CDH1: variants seen among roughly 807,000 people sequenced by gnomAD.
CDH1 encodes cadherin-1.
Under a neutral mutation model 84.5 loss-of-function variants are expected in CDH1, and 35 were observed. The observed-to-expected ratio is 0.41, with a 90% CI of 0.32 to 0.55. The LOEUF (loss-of-function observed/expected upper bound fraction) is 0.55. Among genes scored for constraint, CDH1 ranks in the 20% least tolerant of loss-of-function variants. The probability of loss-of-function intolerance (pLI) is 0.19; values close to 1 mark genes in which losing one functional copy is unlikely to be tolerated. For missense variants in CDH1, 994 were observed against 1,126.6 expected (o/e 0.88, Z 1.68); for synonymous variants, 417 against 439.0 (o/e 0.95, Z 0.63).
chr16:68,801,937 G>A (rs770588696), intron 3 of CDH1, 44 bp downstream of exon 3: 44 of 1,484,274 alleles, frequency 3.0e-5, no homozygotes, highest in Middle Eastern at 4.1e-4. Flanking sequence ...GTTTTAGTGC[G>A]CTGTCTAATC....
intron 2 of CDH1, chr16:68,763,666 CG>C (rs755201247): frequency 6.6e-6 from 1 of 152,164 alleles, no homozygotes; most frequent in Non-Finnish European, 1.5e-5. Context: ...AAGTGGTTAC[CG>C]TTGTCAGCTC....
Position 68,815,614 on chromosome 16 carries a change from A to G in CDH1, c.1420A>G (p.Thr474Ala), listed in dbSNP as rs773858736. ...TCTCACCACCTCCACAGCCACCGTC[A>G]CCGTGGATGTGCTGGATGTGAATGA... is the stretch of plus-strand genomic sequence containing the variant. ...VSLTTSTATV[T>A]VDVLDVNEAP... Residue 474 changes from threonine (T) to alanine (A), a missense_variant, in exon 10 of 16, where the codon ACC becomes GCC. By Grantham distance (58) the Thr-to-Ala change is moderately conservative. Around this residue, in one of 3 missense-constraint regions of CDH1, gnomAD observed 769 missense variants for 881.8 expected, o/e 0.87. Coordinates refer to ENST00000261769, the MANE Select transcript of CDH1 (RefSeq NM_004360.5). The G allele has an allele frequency of 5.6e-6, 9 of 1,614,202 alleles. No individual in the cohort carries two copies. Among genetic ancestry groups the G allele is most frequent in the Non-Finnish European group, 7.6e-6 (9 of 1,180,038 alleles).
chr16:68,806,617 C>A (rs551546031), intron 3 of CDH1, among the ~76,000 whole-genome samples: 11 of 152,166 alleles, frequency 7.2e-5, no homozygotes, highest in Non-Finnish European at 1.2e-4. Flanking sequence ...TTTAAATGTG[C>A]AATACCAGCA....
intron 2 of CDH1, chr16:68,765,103 T>C (rs932563160): frequency 6.6e-6 from 1 of 152,238 alleles, no homozygotes; most frequent in African/African-American, 2.4e-5. Flanking sequence ...AGCATGGAGA[T>C]AAGGCAGCTG....
intron 13 of CDH1, among the ~76,000 whole-genome samples, chr16:68,824,363 G>A (rs985382044): frequency 6.6e-6 from 1 of 152,166 alleles, no homozygotes; most frequent in African/African-American, 2.4e-5. Flanking sequence ...CATAGGCAGA[G>A]TAGCAAGACC....
chr16:68,773,968 G>A (rs1443617108), intron 2 of CDH1, among the ~76,000 whole-genome samples: 1 of 152,202 alleles, frequency 6.6e-6, no homozygotes, highest in Non-Finnish European at 1.5e-5. Context: ...CTAGGCTAGA[G>A]TGCAGTGGTG....
chr16:68,828,065 T>A (rs1961366758), intron 13 of CDH1, 109 bp from the exon 14 acceptor site: 22 of 1,214,046 alleles, frequency 1.8e-5, no homozygotes, highest in Non-Finnish European at 2.7e-5. Context: ...AGCTAGTGGC[T>A]GTCTAACTGC....
At chr16:68,798,627 G>C (rs1960422166) in intron 2 of CDH1, among the ~76,000 whole-genome samples, 1 of 152,110 alleles carries the variant, frequency 6.6e-6, no homozygotes, top group African/African-American at 2.4e-5. Context: ...ATTTTTTCAG[G>C]CCGCCACCCT....
At position 68,753,472 on chromosome 16, in the gene CDH1, G is replaced by C. The variant is rs149425156; in HGVS notation, c.163+15061G>C. On this transcript the variant is annotated intron_variant, in intron 2 of 15. Transcript: ENST00000261769. Reference sequence around the variant, plus strand: ...AGCGATTCTCCTGCCTCAGCCTCCTGAGTAGCTAATTTTTAGCCACCATGC... The same window carrying C: ...AGCGATTCTCCTGCCTCAGCCTCCTCAGTAGCTAATTTTTAGCCACCATGC... Among the ~76,000 whole-genome samples, 1,381 of 151,770 alleles carry C rather than the reference G, an allele frequency of 9.1e-3. 22 individuals carry two copies. Among genetic ancestry groups the C allele is most frequent in the African/African-American group, 0.032 (1,307 of 41,456 alleles).
chr16:68,742,145 G>T (rs572022771), intron 2 of CDH1, among the ~76,000 whole-genome samples: 3 of 152,300 alleles, frequency 2.0e-5, no homozygotes, highest in South Asian at 4.1e-4. Context: ...CCCAGTGATT[G>T]TTTTCTTCCT....
intron 2 of CDH1, among the ~76,000 whole-genome samples, chr16:68,759,682 G>A (rs143054234): frequency 6.3e-4 from 96 of 152,148 alleles, no homozygotes; most frequent in African/African-American, 2.2e-3. Context: ...ATGGAGACAA[G>A]GTTTCACCAT....
intron 2 of CDH1, 120 bp from the exon 3 acceptor site, chr16:68,801,550 G>A (rs185103298): frequency 7.7e-5 from 62 of 804,882 alleles, no homozygotes; most frequent in Non-Finnish European, 1.3e-4. Context: ...ACCAGATTAT[G>A]GTTTGTTTTG....
At chr16:68,778,985 A>G (rs1462507462) in intron 2 of CDH1, among the ~76,000 whole-genome samples, 1 of 152,156 alleles carries the variant, frequency 6.6e-6, no homozygotes, top group Non-Finnish European at 1.5e-5. Context: ...ATTTAAGCAA[A>G]TTAAGGCCTT....
chr16:68,754,310 C>T (rs1291264861), intron 2 of CDH1, among the ~76,000 whole-genome samples: 2 of 151,792 alleles, frequency 1.3e-5, no homozygotes, highest in Non-Finnish European at 2.9e-5. Flanking sequence ...ACCTGGGAGG[C>T]TAAGGTGGGA....
chr16:68,794,225 G>A (rs534841203), intron 2 of CDH1, among the ~76,000 whole-genome samples: 1 of 152,022 alleles, frequency 6.6e-6, no homozygotes, highest in African/African-American at 2.4e-5. Context: ...GTTTTTTATA[G>A]AGACACGGTC....
intron 7 of CDH1, 96 bp downstream of exon 7, chr16:68,811,955 T>G: frequency 1.3e-6 from 2 of 1,482,464 alleles, no homozygotes; most frequent in East Asian, 4.5e-5. Context: ...AGTTGTCAGT[T>G]AATACAGTGA....
chr16:68,831,069 C>CTTT lies in CDH1; in HGVS notation c.2439+1297_2439+1299dup, dbSNP rs1157074539. 4.1e-3 allele frequency among the ~76,000 whole-genome samples: 327 copies of CTTT among 80,302 alleles called. 33 individuals carry two copies. The highest frequency in any genetic ancestry group is 0.012 in the African/African-American group (221 of 19,106). 52.7% of individuals were successfully genotyped at this position (80,302 alleles called of 152,430 possible). A position where few individuals can be genotyped will look rare whatever the true frequency, so the allele number is the denominator to read the frequency against. On this transcript the variant is annotated intron_variant, in intron 15 of 15. Coordinates refer to ENST00000261769, the MANE Select transcript of CDH1 (RefSeq NM_004360.5). ...TGAGGTCTGTGTTTGCTTTAGCTTT[C>CTTT]TTTTTTTTTTTTTTTTTTTTTTTTT... is the stretch of plus-strand genomic sequence containing the variant.
At position 68,811,635 on chromosome 16, in the gene CDH1, G is replaced by C. The variant is rs2152131812; in HGVS notation, c.833-49G>C. The C allele has an allele frequency of 1.3e-6, 2 of 1,558,662 alleles. No homozygotes were observed. The highest frequency in any genetic ancestry group is 1.8e-6 in the Non-Finnish European group (2 of 1,131,626). On this transcript the variant is annotated intron_variant, in intron 6 of 15. Transcript: ENST00000261769. ...AATTGGATTAAGCAGTATTGACCCA[G>C]TCCCAAAGTGCAGCTTGTCTAAACC...
At position 68,793,292 on chromosome 16, in the gene CDH1, A is replaced by G. The variant is rs16958360; in HGVS notation, c.164-8378A>G. On this transcript the variant is annotated intron_variant, in intron 2 of 15. Coordinates refer to ENST00000261769, the MANE Select transcript of CDH1 (RefSeq NM_004360.5). ...TGGAGTATAGTGTGGCTGTTGGAAT[A>G]TCCTTAGGTTTCTCTGAGGCCTGGA... 5.9e-3 allele frequency among the ~76,000 whole-genome samples: 899 copies of G among 152,258 alleles called. 9 individuals are homozygous for G. Among genetic ancestry groups the G allele is most frequent in the African/African-American group, 0.02 (828 of 41,542 alleles).
Sources: allele counts gnomAD v4.1 joint callset (sites outside exome capture counted in the v4.1 genomes callset), GRCh38; gene constraint gnomAD v4.1.1; regional missense constraint gnomAD v4.1.1; transcripts MANE v1.5; gene names NCBI Gene and HGNC (gene_info 2026-07-23, HGNC 2026-07-21).